Variants in PDZD2 observed in about 807,000 individuals in gnomAD.
PDZD2 encodes the protein PDZ domain-containing protein 2.
A neutral mutation model predicts 220.7 loss-of-function variants in PDZD2; 90 were observed. The ratio of observed to expected loss-of-function variants is 0.41; its 90% CI spans 0.34 to 0.49. The LOEUF (loss-of-function observed/expected upper bound fraction) is 0.49. Among genes scored for constraint, PDZD2 ranks in the 20% least tolerant of loss-of-function variants. The pLI is 0.28. For synonymous variants in PDZD2, 1,375 were observed against 1,450.5 expected, an observed-to-expected ratio of 0.95 and a Z score of 1.18; for missense variants, 3,174 against 3,608.5, an observed-to-expected ratio of 0.88 and a Z score of 3.08.
At chr5:31,727,712 A>G (rs1749246497) in intron 1 of PDZD2, among the ~76,000 whole-genome samples, 1 of 112,002 alleles carries the variant, frequency 8.9e-6, no homozygotes. Context: ...AAAAAAAAAA[A>G]AAAAAGAAAG....
intron 2 of PDZD2, among the ~76,000 whole-genome samples, chr5:31,952,506 T>C (rs138026677): frequency 7.5e-4 from 114 of 152,342 alleles, no homozygotes; most frequent in African/African-American, 2.7e-3. Flanking sequence ...TGCTTATTAA[T>C]GGGGCCAACC....
intron 1 of PDZD2, among the ~76,000 whole-genome samples, chr5:31,688,351 G>A (rs950383383): frequency 5.3e-5 from 8 of 152,166 alleles, no homozygotes; most frequent in African/African-American, 1.7e-4. Context: ...CCTCTGAGGA[G>A]TTCTTAAAGA....
chr5:31,980,630 C>T (rs956128886), intron 2 of PDZD2, among the ~76,000 whole-genome samples: 1 of 152,270 alleles, frequency 6.6e-6, no homozygotes, highest in African/African-American at 2.4e-5. Flanking sequence ...AATCTTACAA[C>T]CTGGCTACCT....
chr5:32,006,146 C>CA (rs58241518), intron 5 of PDZD2, among the ~76,000 whole-genome samples: 6,326 of 99,360 alleles, frequency 0.064, 352 homozygotes, highest in African/African-American at 0.15. Flanking sequence ...GACTCCACTT[C>CA]AAAAAAAAAA....
At chr5:31,855,109 C>T (rs182665702) in intron 2 of PDZD2, 1 of 985,258 alleles carries the variant, frequency 1.0e-6, no homozygotes, top group African/African-American at 1.7e-5. Context: ...CAGCTGCTGC[C>T]GGCGGAGACT....
At chr5:31,860,474 A>G (rs1407004488) in intron 2 of PDZD2, among the ~76,000 whole-genome samples, 1 of 152,070 alleles carries the variant, frequency 6.6e-6, no homozygotes, top group Non-Finnish European at 1.5e-5. Context: ...TGTTCTCTGT[A>G]TCTTTGAGAG....
chr5:31,904,084 ATG>A (rs910820107), intron 2 of PDZD2, among the ~76,000 whole-genome samples: 1 of 146,394 alleles, frequency 6.8e-6, no homozygotes, highest in Non-Finnish European at 1.5e-5. Flanking sequence ...TTTCAACTGT[ATG>A]TGTTTCAATT....
chr5:31,640,839 T>TTGTGTGAG (rs1348790093), intron 1 of PDZD2, among the ~76,000 whole-genome samples: 1 of 150,442 alleles, frequency 6.6e-6, no homozygotes, highest in Admixed American at 6.6e-5. Context: ...AACCACCTAG[T>TTGTGTGAG]TGTGTGAGTG....
chr5:31,788,339 C>A (rs956606912), intron 1 of PDZD2, among the ~76,000 whole-genome samples: 2 of 151,592 alleles, frequency 1.3e-5, no homozygotes, highest in Admixed American at 6.6e-5. Flanking sequence ...CCATTGTACT[C>A]CAGCCTGGGC....
At chr5:31,974,109 T>C (rs1447558992) in intron 2 of PDZD2, among the ~76,000 whole-genome samples, 1 of 152,190 alleles carries the variant, frequency 6.6e-6, no homozygotes, top group Non-Finnish European at 1.5e-5. Flanking sequence ...GCCTCCCAAG[T>C]AGCTGGGATT....
Position 31,996,315 on chromosome 5 carries a change from C to T in PDZD2, c.1121+597C>T, listed in dbSNP as rs183093706. ...TTTGTAGGCCAGGCGCAGTAGCTCACGCCTGTAATCCCAATACTTTGGGAG... is the reference window on the plus strand; with the variant it reads ...TTTGTAGGCCAGGCGCAGTAGCTCATGCCTGTAATCCCAATACTTTGGGAG... On this transcript the variant is annotated intron_variant, in intron 4 of 24. Transcript: ENST00000438447. Among the ~76,000 whole-genome samples, 8 of 152,358 alleles carry T rather than the reference C, an allele frequency of 5.3e-5. No individual in the cohort carries two copies. In the East Asian group the frequency reaches 7.7e-4, roughly 15 times the overall value.
At chr5:31,877,319 G>A (rs887377813) in intron 2 of PDZD2, among the ~76,000 whole-genome samples, 5 of 152,032 alleles carry the variant, frequency 3.3e-5, no homozygotes, top group Admixed American at 6.6e-5. Flanking sequence ...GGGCTCAAGC[G>A]ATTCTCCCAC....
At chr5:31,810,631 T>C (rs751951337) in intron 2 of PDZD2, among the ~76,000 whole-genome samples, 4 of 152,206 alleles carry the variant, frequency 2.6e-5, no homozygotes, top group Non-Finnish European at 4.4e-5. Context: ...TCTTAGTTAC[T>C]GTGGAAGCAG....
intron 1 of PDZD2, among the ~76,000 whole-genome samples, chr5:31,792,976 T>TTACA (rs1753808356): frequency 6.6e-6 from 1 of 151,860 alleles, no homozygotes; most frequent in South Asian, 2.1e-4. Flanking sequence ...GTAGCTGGGA[T>TTACA]TACAGGTGTG....
At position 31,928,317 on chromosome 5, in the gene PDZD2, C is replaced by T. The variant is rs543451115; in HGVS notation, c.477-54838C>T. Among the ~76,000 whole-genome samples the T allele has an allele frequency of 5.3e-5, 8 of 152,282 alleles. No homozygotes were observed. In the South Asian group the frequency reaches 1.7e-3, roughly 32 times the overall value. On this transcript the variant is annotated intron_variant, in intron 2 of 24. Coordinates refer to ENST00000438447, the MANE Select transcript of PDZD2 (RefSeq NM_178140.4). ...CTGCTGACCTCAGGTGATCCACCTGCCTTGGCCTCTCAAGGTGCTGGTAAA... is the reference window on the plus strand; with the variant it reads ...CTGCTGACCTCAGGTGATCCACCTGTCTTGGCCTCTCAAGGTGCTGGTAAA...
intron 2 of PDZD2, among the ~76,000 whole-genome samples, chr5:31,849,068 T>A (rs1258504270): frequency 6.6e-6 from 1 of 152,112 alleles, no homozygotes; most frequent in Admixed American, 6.5e-5. Context: ...ACTTGGTCCT[T>A]CCTTTCCTCT....
At chr5:32,076,111 C>T (rs745315490) in intron 18 of PDZD2, among the ~76,000 whole-genome samples, 4 of 151,902 alleles carry the variant, frequency 2.6e-5, no homozygotes, top group Admixed American at 6.6e-5. Context: ...CATGGCAAAA[C>T]CCCGTCTCTA....
At chr5:32,032,643 G>A (rs1755217151) in intron 6 of PDZD2, among the ~76,000 whole-genome samples, 1 of 152,132 alleles carries the variant, frequency 6.6e-6, no homozygotes, top group Admixed American at 6.5e-5. Context: ...TGTAAATTAT[G>A]TCTGTCTTTT....
chr5:32,078,430 G>C (rs1485693852), intron 19 of PDZD2, among the ~76,000 whole-genome samples: 1 of 152,034 alleles, frequency 6.6e-6, no homozygotes, highest in Non-Finnish European at 1.5e-5. Context: ...AGGAGTTTAA[G>C]ACCAGCCTGG....
Sources: gnomAD v4.1 joint callset for allele counts (sites outside exome capture counted in the v4.1 genomes callset) on GRCh38, gnomAD v4.1.1 for gene constraint, MANE v1.5 for transcripts, NCBI Gene and HGNC (gene_info 2026-07-23, HGNC 2026-07-21) for gene names.